PITPNM1: variants seen among roughly 807,000 people sequenced by gnomAD.
The protein encoded by PITPNM1 is phosphatidylinositol transfer protein membrane associated 1, also known as membrane-associated phosphatidylinositol transfer protein 1.
In PITPNM1, 74 loss-of-function variants were observed where a neutral mutation model predicts 133.3. That is an observed-to-expected ratio of 0.56 (90% confidence interval 0.46 to 0.67). The LOEUF (loss-of-function observed/expected upper bound fraction) is 0.67, where lower values mean the gene tolerates loss of function less well. Ranked by LOEUF, PITPNM1 falls within the 30% of genes least tolerant of loss-of-function variation. The pLI is 0.00. For missense variants in PITPNM1, 1,398 were observed against 1,739.5 expected, an observed-to-expected ratio of 0.80 and a Z score of 3.49; for synonymous variants, 738 against 741.4, an observed-to-expected ratio of 1.00 and a Z score of 0.08.
chr11:67,499,873 T>C, intron 7 of PITPNM1, 41 bp downstream of exon 7: 1 of 1,595,950 alleles, frequency 6.3e-7, no homozygotes, highest in Non-Finnish European at 8.6e-7. Flanking sequence ...GAGGAGCTGC[T>C]CGGGGACATC....
intron 18 of PITPNM1, 77 bp from the exon 19 acceptor site, chr11:67,494,437 C>A: frequency 4.3e-6 from 4 of 934,738 alleles, no homozygotes; most frequent in Admixed American, 2.7e-5. Flanking sequence ...GGTGAGGATC[C>A]ACACGCAAAC....
chr11:67,497,769 G>C (rs2134297786), intron 12 of PITPNM1, 90 bp from the exon 13 acceptor site: 3 of 1,549,526 alleles, frequency 1.9e-6, no homozygotes, highest in East Asian at 2.3e-5. Flanking sequence ...CTTGGGGGTT[G>C]GGCAGAGCAG....
At chr11:67,497,722 C>A (rs1032006943) in intron 12 of PITPNM1, 43 bp from the exon 13 acceptor site, 1 of 1,597,612 alleles carries the variant, frequency 6.3e-7, no homozygotes, top group South Asian at 1.1e-5. Flanking sequence ...GCCTGGGGAC[C>A]ATTCGAATTC....
Position 67,495,508 on chromosome 11 carries a change from C to T in PITPNM1, c.2412G>A (p.Lys804=). ...GGGGGTCAGTGGCCAACTCACTGCC[C>T]TTCCAGAAGGCACCGCTAGTAGAGG... The part of the protein sequence containing the change: ...TPTSTSGAFW[K]GSELATDPPA... The change falls in exon 16 of 24, where the codon AAG becomes AAA. Residue 804 remains lysine, a synonymous_variant. Transcript: ENST00000356404. 6.3e-7 allele frequency: 1 copy of T among 1,581,644 alleles called. No individual in the cohort carries two copies. The highest frequency in any genetic ancestry group is 8.6e-7 in the Non-Finnish European group (1 of 1,166,448).
At chr11:67,494,680 C>A (rs1186356082) in intron 18 of PITPNM1, among the ~76,000 whole-genome samples, 166 bp downstream of exon 18, 1 of 138,954 alleles carries the variant, frequency 7.2e-6, no homozygotes, top group Non-Finnish European at 1.5e-5. Flanking sequence ...AGGGGCGGGG[C>A]TGGGGCAATG....
Position 67,493,905 on chromosome 11 carries a change from C to G in PITPNM1, c.3008+17G>C, listed in dbSNP as rs756082343. 9.1e-6 allele frequency: 14 copies of G among 1,531,698 alleles called. No homozygotes were observed. The highest frequency in any genetic ancestry group is 1.2e-5 in the Non-Finnish European group (14 of 1,139,202). The allele number at this position is 1,531,698 out of a possible 1,614,324, so 94.9% of individuals were successfully genotyped here. A position where few individuals can be genotyped will look rare whatever the true frequency, so the allele number is the denominator to read the frequency against. On this transcript the variant is annotated intron_variant, in intron 20 of 23. Transcript: ENST00000356404. ...CTGGCGGAGCCCTCCCGCAGAGGCC[C>G]GGCCAGCCGCGCTCACCTGACCACC... is the stretch of plus-strand genomic sequence containing the variant.
In PITPNM1 at chr11:67,493,487, C is replaced by T. The variant is rs1397027091; in HGVS notation, c.3265G>A (p.Val1089Ile). 3.1e-6 allele frequency: 5 copies of T among 1,602,882 alleles called. No homozygotes were observed. Among genetic ancestry groups the T allele is most frequent in the Middle Eastern group, 1.6e-4 (1 of 6,066 alleles). Reference sequence around the variant, plus strand: ...GTGAGGCCGTCGCAGAAGGAGACGACGCCGTGGGGGAAGTTGTGCTGCGAC... The same window carrying T: ...GTGAGGCCGTCGCAGAAGGAGACGATGCCGTGGGGGAAGTTGTGCTGCGAC... ...WLSQHNFPHG[V>I]VSFCDGLTHD... Residue 1089 changes from valine to isoleucine, a missense_variant, in exon 22 of 24, where the codon GTC becomes ATC. By Grantham distance (29) the Val-to-Ile change is conservative. Coordinates refer to ENST00000356404, the MANE Select transcript of PITPNM1 (RefSeq NM_004910.3).
chr11:67,504,069 C>T lies in PITPNM1; in HGVS notation c.78+34G>A, dbSNP rs1866415113. ...CTGGCGGGGTCGGCAGGGCTCCACC[C>T]CTTGCCCGGGTGCCCTCTCCCCGCC... On this transcript the variant is annotated intron_variant, in intron 2 of 23. Coordinates refer to ENST00000356404, the MANE Select transcript of PITPNM1 (RefSeq NM_004910.3). This position sits in a 1 kb window ranked among gnomAD's most constrained non-coding sequence, Gnocchi z 5.4. The T allele has an allele frequency of 8.4e-6, 13 of 1,540,672 alleles. No individual in the cohort carries two copies. Among genetic ancestry groups the T allele is most frequent in the Non-Finnish European group, 1.1e-5 (12 of 1,137,924 alleles).
chr11:67,500,200 G>A lies in PITPNM1; in HGVS notation c.862C>T (p.Pro288Ser). The stretch of plus-strand genomic sequence containing the variant: ...CCTGGGGGGGCCTCAGGCCCATCGG[G>A]GGTGCCAGTGTTGCTGGCCGCAGAC... ...ARSAASNTGT[P>S]DGPEAPPGPD... The change falls in exon 6 of 24, where the codon CCC becomes TCC. Residue 288 changes from proline (P) to serine (S), a missense_variant. Pro to Ser is a moderately conservative substitution (Grantham distance 74). Around this residue, in one of 5 missense-constraint regions of PITPNM1, gnomAD observed 195 missense variants for 178.8 expected, o/e 1.09. Transcript: ENST00000356404. The A allele has an allele frequency of 6.2e-7, 1 of 1,603,742 alleles. No individual in the cohort carries two copies. Among genetic ancestry groups the A allele is most frequent in the South Asian group, 1.1e-5 (1 of 90,950 alleles).
chr11:67,493,717 CT>C lies in PITPNM1; in HGVS notation c.3128del (p.Lys1043ArgfsTer19). On this transcript the variant is annotated frameshift_variant, in exon 21 of 24. Coordinates refer to ENST00000356404, the MANE Select transcript of PITPNM1 (RefSeq NM_004910.3). LOFTEE classifies it high-confidence loss of function. Reference protein sequence around the residue: ...ASVSIMGSDPKVRAGAVDVVR... With the variant: ...ASVSIMGSDPXVRAGAVDVVR... The stretch of plus-strand genomic sequence containing the variant: ...CCACGTCCACGGCGCCAGCTCGCAC[CT>C]TGGGGTCGCTGCCCATGATGGAGAC... 2 of 1,547,572 alleles carry C rather than the reference CT, an allele frequency of 1.3e-6. No homozygotes were observed. Among genetic ancestry groups the C allele is most frequent in the Non-Finnish European group, 1.7e-6 (2 of 1,147,028 alleles).
rs1191536409 is a variant in PITPNM1, at chr11:67,491,871, T to C, written c.*162A>G. 2 of 749,850 alleles carry C rather than the reference T, an allele frequency of 2.7e-6. No homozygotes were observed. Among genetic ancestry groups the C allele is most frequent in the South Asian group, 1.9e-5 (1 of 53,942 alleles). The allele number at this position is 749,850 out of a possible 1,614,324, so 46.4% of individuals were successfully genotyped here. On this transcript the variant is annotated 3_prime_UTR_variant, in exon 24 of 24. Transcript: ENST00000356404. ...CTCCCCCCGGCGCTGGGTCCCCTCA[T>C]ATGAAAGGGAAGTAACACCGAGGAG...
Position 67,498,290 on chromosome 11 carries a change from A to AG in PITPNM1, c.1516dup (p.Leu506ProfsTer46). 1 of 1,599,752 alleles carries AG rather than the reference A, an allele frequency of 6.3e-7. No homozygotes were observed. The highest frequency in any genetic ancestry group is 8.5e-7 in the Non-Finnish European group (1 of 1,172,002). On this transcript the variant is annotated frameshift_variant, in exon 11 of 24. Coordinates refer to ENST00000356404, the MANE Select transcript of PITPNM1 (RefSeq NM_004910.3). LOFTEE classifies it high-confidence loss of function. The surrounding 1 kb of genome is among the most constrained non-coding windows in gnomAD (Gnocchi z 5.7). The stretch of plus-strand genomic sequence containing the variant: ...TGGAATGTGGTCTTGGGAGCGAGAC[A>AG]GGCTGTCCCCATCGTGGCTGTAAGG...
At position 67,497,324 on chromosome 11, in the gene PITPNM1, G is replaced by A. The variant is rs777089832; in HGVS notation, c.2053C>T (p.Arg685Cys). 2.9e-5 allele frequency: 47 copies of A among 1,611,862 alleles called. No homozygotes were observed. The Middle Eastern group carries it at 6.6e-4, about 23-fold the overall frequency. Reference protein sequence around the residue: ...EAPDGPSSTARLDFKVSGFFL... With the variant: ...EAPDGPSSTACLDFKVSGFFL... ...AAGCCAGAGACCTTGAAGTCAAGGC[G>A]GGCAGTGCTGCTGGGGCCGTCAGGT... The change falls in exon 14 of 24, where the codon CGC becomes TGC. Residue 685 changes from arginine to cysteine, a missense_variant. This residue lies in a region of PITPNM1 where 574 missense variants were observed against 698.7 expected (regional missense o/e 0.82). Transcript: ENST00000356404.
Position 67,492,041 on chromosome 11 carries a change from C to T in PITPNM1, c.3727G>A (p.Glu1243Lys), listed in dbSNP as rs200206163. Reference protein sequence around the residue: ...ARSISLKLDSEE With the variant: ...ARSISLKLDSKE ...CCAGGCTGGTGTGGGCCTCACTCCT[C>T]GCTGTCCAGCTTCAGGCTGATGCTC... The change falls in exon 24 of 24, where the codon GAG becomes AAG. Residue 1243 changes from glutamate to lysine, a missense_variant. Transcript: ENST00000356404. The T allele has an allele frequency of 1.6e-5, 25 of 1,612,032 alleles. No homozygotes were observed. The highest frequency in any genetic ancestry group is 2.1e-5 in the Non-Finnish European group (25 of 1,179,692).
chr11:67,500,986 G>A (rs1299610481), intron 5 of PITPNM1, among the ~76,000 whole-genome samples: 1 of 152,174 alleles, frequency 6.6e-6, no homozygotes, highest in East Asian at 1.9e-4. Flanking sequence ...CTTAGTAGTG[G>A]CTATATTTTT....
In PITPNM1 at chr11:67,502,192, A is replaced by C; in HGVS notation, c.415+100T>G. On this transcript the variant is annotated intron_variant, in intron 4 of 23. Coordinates refer to ENST00000356404, the MANE Select transcript of PITPNM1 (RefSeq NM_004910.3). The surrounding 1 kb of genome is among the most constrained non-coding windows in gnomAD (Gnocchi z 5.9). Reference sequence around the variant, plus strand: ...GTTCCCGTCCTTTTGCAGACAGGACATGAGGCCTGGAGAGGGCTGGGACTT... The same window carrying C: ...GTTCCCGTCCTTTTGCAGACAGGACCTGAGGCCTGGAGAGGGCTGGGACTT... The C allele has an allele frequency of 6.4e-7, 1 of 1,562,136 alleles. No individual in the cohort carries two copies. Among genetic ancestry groups the C allele is most frequent in the Non-Finnish European group, 8.7e-7 (1 of 1,148,312 alleles).
At position 67,499,777 on chromosome 11, in the gene PITPNM1, A is replaced by C. The variant is rs1004649362; in HGVS notation, c.1117T>G (p.Ser373Ala). 22 of 1,527,252 alleles carry C rather than the reference A, an allele frequency of 1.4e-5. No individual in the cohort carries two copies. Among genetic ancestry groups the C allele is most frequent in the Non-Finnish European group, 1.9e-5 (22 of 1,133,534 alleles). The allele number at this position is 1,527,252 out of a possible 1,614,324, so 94.6% of individuals were successfully genotyped here. ...GCAAAGGCATCAATGAAGTCATTGG[A>C]GTTCCACTTGGTCATCTCCTTGGGG... The part of the protein sequence containing the change: ...VFPKEMTKWN[S>A]NDFIDAFASP... Residue 373 changes from serine to alanine, a missense_variant, in exon 8 of 24, where the codon TCC becomes GCC. Physicochemically the swap from Ser to Ala is moderately conservative, Grantham distance 99. This residue lies in a region of PITPNM1 where 195 missense variants were observed against 178.8 expected (regional missense o/e 1.09). Coordinates refer to ENST00000356404, the MANE Select transcript of PITPNM1 (RefSeq NM_004910.3).
rs187330862 is a variant in PITPNM1, at chr11:67,499,503, C to T, written c.1171+220G>A. 2.0e-3 allele frequency: 303 copies of T among 151,934 alleles called. 3 individuals are homozygous for T. The highest frequency in any genetic ancestry group is 7.4e-3 in the African/African-American group (291 of 39,236). The allele number at this position is 151,934 out of a possible 1,614,324, so 9.4% of individuals were successfully genotyped here. ...GCATTCAGGGAGTCCAAATTAATTCCTTCATTCTTAGTGCTATGTCTGAAT... is the reference window on the plus strand; with the variant it reads ...GCATTCAGGGAGTCCAAATTAATTCTTTCATTCTTAGTGCTATGTCTGAAT... On this transcript the variant is annotated intron_variant, in intron 8 of 23. Transcript: ENST00000356404.
In PITPNM1 at chr11:67,494,550, G is replaced by C. The variant is rs561405737; in HGVS notation, c.2743-190C>G. ...GCCTGAGAGCCTGTGTGTGGGCCGCGCCTCCAGGGGCAGAGCTGTGACAGG... is the reference window on the plus strand; with the variant it reads ...GCCTGAGAGCCTGTGTGTGGGCCGCCCCTCCAGGGGCAGAGCTGTGACAGG... On this transcript the variant is annotated intron_variant, in intron 18 of 23. Coordinates refer to ENST00000356404, the MANE Select transcript of PITPNM1 (RefSeq NM_004910.3). Among the ~76,000 whole-genome samples, 549 of 152,224 alleles carry C rather than the reference G, an allele frequency of 3.6e-3. 5 individuals are homozygous for C. Among genetic ancestry groups the C allele is most frequent in the African/African-American group, 0.012 (505 of 41,536 alleles).
Sources: allele counts gnomAD v4.1 joint callset (sites outside exome capture counted in the v4.1 genomes callset), GRCh38; gene constraint gnomAD v4.1.1; regional missense constraint gnomAD v4.1.1; non-coding constraint Gnocchi (gnomAD v3.1); transcripts MANE v1.5; gene names NCBI Gene and HGNC (gene_info 2026-07-23, HGNC 2026-07-21).